Variants in STRBP observed in about 807,000 individuals in gnomAD.
STRBP encodes the protein spermatid perinuclear RNA binding protein.
Under a neutral mutation model 80.1 loss-of-function variants are expected in STRBP, and 13 were observed. The observed-to-expected ratio is 0.16, with a 90% CI of 0.11 to 0.26. The LOEUF (loss-of-function observed/expected upper bound fraction) is 0.26, where lower values mean the gene tolerates loss of function less well. Among genes scored for constraint, STRBP ranks in the 10% least tolerant of loss-of-function variants. STRBP has a pLI of 1.00. For missense variants in STRBP, 485 were observed against 815.2 expected (o/e 0.59, Z 4.93); for synonymous variants, 284 against 291.2 (o/e 0.98, Z 0.25).
chr9:123,190,446 T>C (rs1037378874), intron 2 of STRBP, among the ~76,000 whole-genome samples: 2 of 140,780 alleles, frequency 1.4e-5, no homozygotes, highest in African/African-American at 5.1e-5. Flanking sequence ...AATATTTTCT[T>C]CTGGAAGCTT....
intron 11 of STRBP, among the ~76,000 whole-genome samples, chr9:123,151,960 G>A (rs1166503794): frequency 6.6e-6 from 1 of 151,684 alleles, no homozygotes. Context: ...AATAAAATAA[G>A]GTACAAAATG....
At position 123,225,123 on chromosome 9, in the gene STRBP, C is replaced by G. The variant is rs79321398; in HGVS notation, c.-165+11707G>C. ...AAGTTTGAAAACAGGCAAAACTAGTCAAAACCAGTGATTCAGTGGTGGAGT... is the reference window on the plus strand; with the variant it reads ...AAGTTTGAAAACAGGCAAAACTAGTGAAAACCAGTGATTCAGTGGTGGAGT... On this transcript the variant is annotated intron_variant, in intron 2 of 18. Transcript: ENST00000348403. 1.6e-4 allele frequency among the ~76,000 whole-genome samples: 25 copies of G among 152,236 alleles called. No individual in the cohort carries two copies. In the East Asian group the frequency reaches 4.4e-3, roughly 27 times the overall value.
chr9:123,145,277 C>T (rs1452369618), intron 13 of STRBP, among the ~76,000 whole-genome samples: 1 of 152,130 alleles, frequency 6.6e-6, no homozygotes, highest in Admixed American at 6.5e-5. Flanking sequence ...GTGAATAAAA[C>T]ATAATATTGG....
intron 1 of STRBP, among the ~76,000 whole-genome samples, chr9:123,244,054 T>C (rs2040751179): frequency 6.6e-6 from 1 of 152,220 alleles, no homozygotes; most frequent in East Asian, 1.9e-4. Context: ...ATAAACAAAT[T>C]GTGATATAAT....
At chr9:123,227,932 G>A (rs1177971548) in intron 2 of STRBP, among the ~76,000 whole-genome samples, 1 of 152,202 alleles carries the variant, frequency 6.6e-6, no homozygotes, top group African/African-American at 2.4e-5. Flanking sequence ...ACATACAGCA[G>A]AGGATCTAAT....
chr9:123,247,094 C>T (rs1439984809), intron 1 of STRBP, among the ~76,000 whole-genome samples: 1 of 151,732 alleles, frequency 6.6e-6, no homozygotes, highest in Admixed American at 6.6e-5. Context: ...GAAAAAATAC[C>T]AATCAATGAA....
At chr9:123,252,188 C>G (rs1157048354) in intron 1 of STRBP, among the ~76,000 whole-genome samples, 1 of 152,160 alleles carries the variant, frequency 6.6e-6, no homozygotes, top group Non-Finnish European at 1.5e-5. Flanking sequence ...GATTGCAGGA[C>G]AGTATACAGA....
chr9:123,157,850 T>C (rs1252803191), intron 11 of STRBP, among the ~76,000 whole-genome samples, 162 bp downstream of exon 11: 1 of 151,870 alleles, frequency 6.6e-6, no homozygotes, highest in Non-Finnish European at 1.5e-5. Context: ...ACATGAGATT[T>C]GGATGGGGAC....
chr9:123,123,969 C>T lies in STRBP; in HGVS notation c.*1628G>A. The T allele has an allele frequency of 9.1e-6, 9 of 985,346 alleles. No individual in the cohort carries two copies. The highest frequency in any genetic ancestry group is 1.1e-5 in the Non-Finnish European group (9 of 829,920). The allele number at this position is 985,346 out of a possible 1,614,324, so 61.0% of individuals were successfully genotyped here. ...GAGAATGATAAGTTACAGCTATTTCCAGCAAGTGATGAGGTTTTATTAAAG... is the reference window on the plus strand; with the variant it reads ...GAGAATGATAAGTTACAGCTATTTCTAGCAAGTGATGAGGTTTTATTAAAG... On this transcript the variant is annotated 3_prime_UTR_variant, in exon 19 of 19. Coordinates refer to ENST00000348403, the MANE Select transcript of STRBP (RefSeq NM_018387.5).
intron 2 of STRBP, among the ~76,000 whole-genome samples, chr9:123,207,985 C>T (rs2039579952): frequency 6.6e-6 from 1 of 152,158 alleles, no homozygotes; most frequent in African/African-American, 2.4e-5. Context: ...GAACTTTGAT[C>T]CTCTTTAGCA....
At chr9:123,138,713 T>TTTTG (rs1271318986) in intron 14 of STRBP, among the ~76,000 whole-genome samples, 1 of 152,214 alleles carries the variant, frequency 6.6e-6, no homozygotes. Flanking sequence ...AAACACCTCT[T>TTTTG]TTTGCCCTTT....
intron 2 of STRBP, among the ~76,000 whole-genome samples, chr9:123,198,521 T>C (rs1195698914): frequency 6.6e-6 from 1 of 152,210 alleles, no homozygotes; most frequent in South Asian, 2.1e-4. Context: ...GTTGGACGCG[T>C]AGTTTGAAAA....
chr9:123,226,849 G>A (rs2040251469), intron 2 of STRBP, among the ~76,000 whole-genome samples: 1 of 152,072 alleles, frequency 6.6e-6, no homozygotes, highest in African/African-American at 2.4e-5. Context: ...CACAGATTTG[G>A]TAATTTATAA....
Position 123,115,595 on chromosome 9 carries a change from C to T in STRBP, c.*84+334G>A. On this transcript the variant is annotated intron_variant and NMD_transcript_variant, in intron 3 of 3. Transcript: ENST00000471564. The surrounding 1 kb of genome is among the most constrained non-coding windows in gnomAD (Gnocchi z 5.0). ...TGCTCCTTCTCCCCCATCACAGAGC[C>T]TGGTAAGAAGCAGTAGGTGACAGTG... 2.9e-6 allele frequency: 1 copy of T among 349,422 alleles called. No individual in the cohort carries two copies. Among genetic ancestry groups the T allele is most frequent in the Non-Finnish European group, 5.7e-6 (1 of 175,886 alleles). The allele number at this position is 349,422 out of a possible 1,614,324, so 21.6% of individuals were successfully genotyped here. A position where few individuals can be genotyped will look rare whatever the true frequency, so the allele number is the denominator to read the frequency against.
At chr9:123,267,330 G>A (rs759467885) in intron 1 of STRBP, among the ~76,000 whole-genome samples, 3 of 151,318 alleles carry the variant, frequency 2.0e-5, no homozygotes, top group Non-Finnish European at 4.4e-5. Flanking sequence ...TCCTTTAAAT[G>A]CCCCACACAC....
chr9:123,190,080 G>A (rs1176792086), intron 2 of STRBP, among the ~76,000 whole-genome samples: 2 of 152,052 alleles, frequency 1.3e-5, no homozygotes, highest in African/African-American at 4.8e-5. Context: ...AGGAGTTCAA[G>A]GCCAGCCTGG....
At chr9:123,155,914 G>A (rs1406696043) in intron 11 of STRBP, among the ~76,000 whole-genome samples, 1 of 151,786 alleles carries the variant, frequency 6.6e-6, no homozygotes, top group Non-Finnish European at 1.5e-5. Flanking sequence ...GAAAGTATTG[G>A]AGAGATCATT....
At chr9:123,240,499 T>A (rs1449674461) in intron 1 of STRBP, among the ~76,000 whole-genome samples, 1 of 152,224 alleles carries the variant, frequency 6.6e-6, no homozygotes, top group Non-Finnish European at 1.5e-5. Context: ...TTTCTATTAT[T>A]TGTCTCCTCT....
Position 123,179,009 on chromosome 9 carries a change from G to T in STRBP, c.222C>A (p.Ser74=). Residue 74 remains serine, a splice_region_variant and synonymous_variant, in exon 4 of 19, where the codon TCC becomes TCA. Coordinates refer to ENST00000348403, the MANE Select transcript of STRBP (RefSeq NM_018387.5). ...CCCAGAGGTCAGTCCACACTCACTT[G>T]GAATAGTTTTCTCCGGCCTCATCTT... ...VKKDEAGENY[S]KDQGGRTLCG... 1 of 1,613,952 alleles carries T rather than the reference G, an allele frequency of 6.2e-7. No homozygotes were observed. Among genetic ancestry groups the T allele is most frequent in the South Asian group, 1.1e-5 (1 of 91,036 alleles).
Sources: gnomAD v4.1 joint callset for allele counts (sites outside exome capture counted in the v4.1 genomes callset) on GRCh38, gnomAD v4.1.1 for gene constraint, Gnocchi (gnomAD v3.1) non-coding constraint, MANE v1.5 for transcripts, NCBI Gene and HGNC (gene_info 2026-07-23, HGNC 2026-07-21) for gene names.